The following FHOD3 variants were observed in gnomAD, a reference collection of about 807,000 sequenced individuals.
The protein encoded by FHOD3 is FH1/FH2 domain-containing protein 3.
In FHOD3, 90 loss-of-function variants were observed where a neutral mutation model predicts 173.0. That is an observed-to-expected ratio of 0.52 (90% CI 0.44 to 0.62). The LOEUF is 0.62. Among genes scored for constraint, FHOD3 ranks in the 20% least tolerant of loss-of-function variants. FHOD3 has a pLI of 0.00. For missense variants in FHOD3, 1,945 were observed against 2,034.7 expected, an observed-to-expected ratio of 0.96 and a Z score of 0.85; for synonymous variants, 828 against 823.0, an observed-to-expected ratio of 1.01 and a Z score of -0.10.
intron 1 of FHOD3, among the ~76,000 whole-genome samples, chr18:36,325,064 C>G (rs1344982353): frequency 1.2e-4 from 19 of 152,118 alleles, no homozygotes; most frequent in Admixed American, 6.5e-5. Context: ...AAGAAAGAAT[C>G]TAGACACAGG....
intron 3 of FHOD3, among the ~76,000 whole-genome samples, chr18:36,378,232 A>G (rs759008312): frequency 6.6e-6 from 1 of 152,210 alleles, no homozygotes; most frequent in African/African-American, 2.4e-5. Context: ...CCCTTGCAGC[A>G]GGAGACTCCC....
chr18:36,728,005 C>T (rs2041165064), intron 19 of FHOD3, among the ~76,000 whole-genome samples: 2 of 152,204 alleles, frequency 1.3e-5, no homozygotes, highest in African/African-American at 4.8e-5. Flanking sequence ...TACTGCACCT[C>T]CAGACCCCTA....
intron 24 of FHOD3, among the ~76,000 whole-genome samples, chr18:36,748,651 C>T (rs2042270660): frequency 6.6e-6 from 1 of 152,152 alleles, no homozygotes; most frequent in Non-Finnish European, 1.5e-5. Flanking sequence ...TGTCCACATC[C>T]TACTGGGGAT....
intron 3 of FHOD3, among the ~76,000 whole-genome samples, chr18:36,384,529 C>T (rs2047934451): frequency 6.8e-6 from 1 of 146,526 alleles, no homozygotes; most frequent in Non-Finnish European, 1.5e-5. Flanking sequence ...GATATCATGC[C>T]ATTGCACTCC....
At chr18:36,516,517 A>G (rs1053226165) in intron 5 of FHOD3, among the ~76,000 whole-genome samples, 2 of 152,066 alleles carry the variant, frequency 1.3e-5, no homozygotes, top group Non-Finnish European at 2.9e-5. Context: ...CCCGTGTGGG[A>G]GAAGGTTGGG....
chr18:36,571,709 C>T (rs1466772781), intron 5 of FHOD3, among the ~76,000 whole-genome samples: 1 of 152,148 alleles, frequency 6.6e-6, no homozygotes, highest in South Asian at 2.1e-4. Flanking sequence ...ACAAACACAA[C>T]CAGTTGATTT....
At chr18:36,482,143 C>G (rs2053935900) in intron 3 of FHOD3, among the ~76,000 whole-genome samples, 1 of 152,062 alleles carries the variant, frequency 6.6e-6, no homozygotes, top group Non-Finnish European at 1.5e-5. Context: ...TTTCATTCAC[C>G]CTACCTATTA....
intron 3 of FHOD3, among the ~76,000 whole-genome samples, chr18:36,478,536 C>G (rs2053712762): frequency 6.6e-6 from 1 of 152,110 alleles, no homozygotes; most frequent in Non-Finnish European, 1.5e-5. Context: ...TACCCATTAA[C>G]CATCCCCACT....
At chr18:36,548,987 A>G (rs1377797851) in intron 5 of FHOD3, among the ~76,000 whole-genome samples, 1 of 152,224 alleles carries the variant, frequency 6.6e-6, no homozygotes. Flanking sequence ...TTTAGCTTTA[A>G]AAAATACTTC....
chr18:36,436,292 A>G (rs561935674), intron 3 of FHOD3, among the ~76,000 whole-genome samples: 1 of 152,260 alleles, frequency 6.6e-6, no homozygotes, highest in Admixed American at 6.5e-5. Flanking sequence ...TTGTATTTCT[A>G]TATACATTTT....
intron 20 of FHOD3, among the ~76,000 whole-genome samples, chr18:36,737,975 G>A (rs1293291140): frequency 6.6e-6 from 1 of 152,176 alleles, no homozygotes; most frequent in Non-Finnish European, 1.5e-5. Flanking sequence ...CAAAACTCTT[G>A]TGTTGCCCTT....
intron 14 of FHOD3, among the ~76,000 whole-genome samples, chr18:36,670,965 A>T (rs2037493262): frequency 6.6e-6 from 1 of 152,264 alleles, no homozygotes; most frequent in South Asian, 2.1e-4. Context: ...TTCCCTCTGA[A>T]TTATGAAGTT....
chr18:36,729,387 C>T (rs1445846803), intron 19 of FHOD3, among the ~76,000 whole-genome samples: 1 of 152,212 alleles, frequency 6.6e-6, no homozygotes, highest in Non-Finnish European at 1.5e-5. Context: ...GCCTTGTGGT[C>T]ACAGCTCTGG....
chr18:36,634,151 A>C (rs1047049391), intron 10 of FHOD3, among the ~76,000 whole-genome samples: 1 of 152,180 alleles, frequency 6.6e-6, no homozygotes, highest in African/African-American at 2.4e-5. Context: ...GTGGCCCAGC[A>C]GGTGGTAGGA....
intron 9 of FHOD3, among the ~76,000 whole-genome samples, chr18:36,619,510 A>G (rs1404278338): frequency 6.6e-6 from 1 of 152,214 alleles, no homozygotes; most frequent in African/African-American, 2.4e-5. Context: ...TGATTGCTGA[A>G]AACAGCACTT....
intron 6 of FHOD3, among the ~76,000 whole-genome samples, chr18:36,580,815 A>G (rs2058823718): frequency 6.6e-6 from 1 of 152,202 alleles, no homozygotes; most frequent in African/African-American, 2.4e-5. Context: ...CCCCAATTCA[A>G]ATTAAGAAAT....
At chr18:36,761,016 G>A (rs1431334760) in intron 27 of FHOD3, among the ~76,000 whole-genome samples, 2 of 152,206 alleles carry the variant, frequency 1.3e-5, no homozygotes, top group Non-Finnish European at 2.9e-5. Context: ...ATCCTTACCG[G>A]GGATGACCTC....
intron 17 of FHOD3, among the ~76,000 whole-genome samples, chr18:36,694,677 C>T (rs1010962401): frequency 2.6e-5 from 4 of 152,246 alleles, no homozygotes; most frequent in African/African-American, 9.6e-5. Context: ...TATCCTGGGA[C>T]GTTTAACTAA....
chr18:36,560,223 T>C (rs561963718), intron 5 of FHOD3, among the ~76,000 whole-genome samples: 1 of 152,334 alleles, frequency 6.6e-6, no homozygotes, highest in Admixed American at 6.5e-5. Flanking sequence ...GGGTAGTTAG[T>C]CTGGGCCTTG....
Sources: gnomAD v4.1 joint callset for allele counts (sites outside exome capture counted in the v4.1 genomes callset) on GRCh38, gnomAD v4.1.1 for gene constraint, MANE v1.5 for transcripts, NCBI Gene and HGNC (gene_info 2026-07-23, HGNC 2026-07-21) for gene names.